TRDN: variants seen among roughly 807,000 people sequenced by gnomAD.
The protein encoded by TRDN is triadin in skeletal muscle.
A neutral mutation model predicts 149.7 loss-of-function variants in TRDN; 161 were observed. The ratio of observed to expected loss-of-function variants is 1.08; its 90% CI spans 0.95 to 1.23. The LOEUF is 1.23. Ranked by LOEUF, TRDN falls within the 50% of genes most tolerant of loss-of-function variation. The pLI is 0.00. For missense variants in TRDN, 896 were observed against 823.5 expected (o/e 1.09, Z -1.08); for synonymous variants, 294 against 250.5 (o/e 1.17, Z -1.64).
chr6:123,379,098 G>T (rs1562285529), intron 16 of TRDN, among the ~76,000 whole-genome samples: 1 of 152,098 alleles, frequency 6.6e-6, no homozygotes, highest in Non-Finnish European at 1.5e-5. Context: ...TTTTAAAGAA[G>T]AATGGAAAGA....
rs185268405 is a variant in TRDN, at chr6:123,255,908, T to G, written c.1871-6A>C. On this transcript the variant is annotated splice_polypyrimidine_tract_variant and splice_region_variant and intron_variant, in intron 35 of 40. Coordinates refer to ENST00000334268, the MANE Select transcript of TRDN (RefSeq NM_006073.4). ...ATGCTTCATGTCTGCTTTTTCTGTA[T>G]AGAAGAAACAGTAACAGGGTAATTT... The G allele has an allele frequency of 1.6e-6, 2 of 1,286,188 alleles. No individual in the cohort carries two copies. Among genetic ancestry groups the G allele is most frequent in the Admixed American group, 3.9e-5 (1 of 25,852 alleles). The allele number at this position is 1,286,188 out of a possible 1,614,324, so 79.7% of individuals were successfully genotyped here.
chr6:123,502,844 T>C, intron 8 of TRDN: 5 of 985,246 alleles, frequency 5.1e-6, no homozygotes, highest in Non-Finnish European at 6.0e-6. Context: ...TCTCTACATG[T>C]TAGATCCCCG....
chr6:123,530,418 A>C, intron 5 of TRDN, 88 bp downstream of exon 5: 2 of 803,414 alleles, frequency 2.5e-6, no homozygotes, highest in South Asian at 2.9e-5. Context: ...AAATGTTACA[A>C]AAACACTAAA....
chr6:123,525,586 G>A (rs940998281), intron 5 of TRDN, among the ~76,000 whole-genome samples: 6 of 152,000 alleles, frequency 3.9e-5, no homozygotes, highest in African/African-American at 1.4e-4. Context: ...ATTACCTATT[G>A]AGTATTATGT....
chr6:123,533,195 C>T (rs77034386), intron 4 of TRDN, among the ~76,000 whole-genome samples: 1,646 of 152,178 alleles, frequency 0.011, 32 homozygotes, highest in African/African-American at 0.037. Flanking sequence ...ATGCTACATT[C>T]ACCATGTAAT....
intron 5 of TRDN, among the ~76,000 whole-genome samples, chr6:123,526,809 G>C (rs34279393): frequency 0.57 from 86,039 of 151,648 alleles, 25,264 homozygotes; most frequent in Non-Finnish European, 0.65. Flanking sequence ...AGCCTATGAT[G>C]AGACAGATAT....
At chr6:123,427,926 C>A (rs569959912) in intron 12 of TRDN, among the ~76,000 whole-genome samples, 98 of 152,218 alleles carry the variant, frequency 6.4e-4, no homozygotes, top group Middle Eastern at 3.4e-3. Context: ...CTGCTTTATT[C>A]TATGTTGGGT....
intron 2 of TRDN, among the ~76,000 whole-genome samples, chr6:123,549,289 A>C (rs1477018332): frequency 3.3e-5 from 5 of 151,900 alleles, no homozygotes; most frequent in Non-Finnish European, 7.4e-5. Context: ...TGAAAGATTG[A>C]ATCATAAAAA....
intron 12 of TRDN, among the ~76,000 whole-genome samples, chr6:123,399,252 A>T (rs1772860840): frequency 1.3e-5 from 2 of 152,198 alleles, no homozygotes. Flanking sequence ...GAAAACAGAA[A>T]ATGATTGGGA....
At chr6:123,353,355 T>C (rs1414529513) in intron 20 of TRDN, among the ~76,000 whole-genome samples, 1 of 151,810 alleles carries the variant, frequency 6.6e-6, no homozygotes, top group African/African-American at 2.4e-5. Context: ...AATGTGTCTG[T>C]AGCCAACTTA....
chr6:123,460,045 T>C (rs1776361511), intron 10 of TRDN, among the ~76,000 whole-genome samples: 1 of 152,224 alleles, frequency 6.6e-6, no homozygotes, highest in Admixed American at 6.5e-5. Flanking sequence ...CTCCCAACTC[T>C]TAAGCTCACC....
chr6:123,529,348 T>C, intron 5 of TRDN: 1 of 1,548,050 alleles, frequency 6.5e-7, no homozygotes, highest in Non-Finnish European at 8.7e-7. Context: ...TAAGGAGACA[T>C]TAGTTTCCTA....
chr6:123,242,966 A>G (rs371513905), intron 38 of TRDN, among the ~76,000 whole-genome samples: 1 of 152,182 alleles, frequency 6.6e-6, no homozygotes, highest in Admixed American at 6.6e-5. Flanking sequence ...CTGAGAGCTC[A>G]GCTCCAAAAG....
At chr6:123,443,044 C>T (rs1180197364) in intron 10 of TRDN, among the ~76,000 whole-genome samples, 1 of 151,968 alleles carries the variant, frequency 6.6e-6, no homozygotes, top group African/African-American at 2.4e-5. Flanking sequence ...TCCTTATTTA[C>T]CAAGTGAAAT....
intron 38 of TRDN, among the ~76,000 whole-genome samples, chr6:123,246,052 A>G (rs1776163649): frequency 6.6e-6 from 1 of 152,190 alleles, no homozygotes; most frequent in African/African-American, 2.4e-5. Flanking sequence ...GAATGAAGAC[A>G]CAATGTACCA....
chr6:123,459,447 T>C (rs13192662), intron 10 of TRDN, among the ~76,000 whole-genome samples: 25,695 of 152,154 alleles, frequency 0.17, 2,341 homozygotes, highest in South Asian at 0.29. Context: ...CTGAAGGACA[T>C]GACCTTCAGA....
At chr6:123,300,525 A>C (rs948332798) in intron 24 of TRDN, among the ~76,000 whole-genome samples, 1 of 151,906 alleles carries the variant, frequency 6.6e-6, no homozygotes, top group Admixed American at 6.6e-5. Context: ...TGAGATTTTA[A>C]ATCAGCTGAG....
chr6:123,627,755 A>G (rs1445118119), intron 1 of TRDN, among the ~76,000 whole-genome samples: 1 of 152,170 alleles, frequency 6.6e-6, no homozygotes, highest in Non-Finnish European at 1.5e-5. Context: ...AGCCACCTTC[A>G]TCAATGATCT....
At chr6:123,484,070 A>C (rs1030006288) in intron 9 of TRDN, among the ~76,000 whole-genome samples, 1 of 152,164 alleles carries the variant, frequency 6.6e-6, no homozygotes, top group Non-Finnish European at 1.5e-5. Context: ...CAATGCTACA[A>C]TCAGTAACGT....
Sources: gnomAD v4.1 joint callset for allele counts (sites outside exome capture counted in the v4.1 genomes callset) on GRCh38, gnomAD v4.1.1 for gene constraint, MANE v1.5 for transcripts, NCBI Gene and HGNC (gene_info 2026-07-23, HGNC 2026-07-21) for gene names.